The following IGF2BP2 variants were observed in gnomAD, a reference collection of about 807,000 sequenced individuals.
IGF2BP2 encodes insulin like growth factor 2 mRNA binding protein 2.
In IGF2BP2, 17 loss-of-function variants were observed where a neutral mutation model predicts 75.8. That is an observed-to-expected ratio of 0.22 (90% CI 0.15 to 0.34). The LOEUF is 0.34. Among genes scored for constraint, IGF2BP2 ranks in the 10% least tolerant of loss-of-function variants. The probability of loss-of-function intolerance (pLI) is 1.00; values close to 1 mark genes in which losing one functional copy is unlikely to be tolerated. For synonymous variants in IGF2BP2, 288 were observed against 295.6 expected, an observed-to-expected ratio of 0.97 and a Z score of 0.26; for missense variants, 516 against 772.4, an observed-to-expected ratio of 0.67 and a Z score of 3.93.
At chr3:185,814,840 C>A (rs1740391903) in intron 2 of IGF2BP2, among the ~76,000 whole-genome samples, 1 of 152,098 alleles carries the variant, frequency 6.6e-6, no homozygotes, top group African/African-American at 2.4e-5. Flanking sequence ...AAAGTGCTTT[C>A]ACTGACTTTT....
chr3:185,657,233 TG>T, intron 12 of IGF2BP2, 52 bp downstream of exon 12: 1 of 1,231,500 alleles, frequency 8.1e-7, no homozygotes, highest in Non-Finnish European at 1.2e-6. Context: ...ACAAGGGCCG[TG>T]GGATGAGAGG....
chr3:185,665,765 G>A (rs1324678073), intron 10 of IGF2BP2, among the ~76,000 whole-genome samples: 3 of 152,088 alleles, frequency 2.0e-5, no homozygotes, highest in Admixed American at 6.6e-5. Context: ...TCAGGAGTTC[G>A]AGATCAGCCT....
intron 2 of IGF2BP2, among the ~76,000 whole-genome samples, chr3:185,820,275 T>C (rs1057168077): frequency 3.0e-4 from 40 of 133,580 alleles, no homozygotes; most frequent in Middle Eastern, 8.1e-3. Context: ...CACACACACA[T>C]AATTTTTAAG....
chr3:185,649,115 T>C (rs1245072070), intron 14 of IGF2BP2, among the ~76,000 whole-genome samples: 1 of 151,764 alleles, frequency 6.6e-6, no homozygotes, highest in Non-Finnish European at 1.5e-5. Context: ...TCACTGACCA[T>C]GGAGTCAAGA....
intron 2 of IGF2BP2, among the ~76,000 whole-genome samples, chr3:185,818,270 G>A (rs536854403): frequency 7.9e-5 from 12 of 152,256 alleles, no homozygotes; most frequent in African/African-American, 2.6e-4. Flanking sequence ...AATCTTTTGT[G>A]ACAGGGGATA....
chr3:185,672,926 C>T (rs1451277614), intron 9 of IGF2BP2, among the ~76,000 whole-genome samples: 2 of 152,170 alleles, frequency 1.3e-5, no homozygotes, highest in African/African-American at 4.8e-5. Context: ...ATGGCAGCCA[C>T]CTTGCCAGCC....
intron 2 of IGF2BP2, among the ~76,000 whole-genome samples, chr3:185,701,088 AT>A (rs1215598339): frequency 1.3e-5 from 2 of 152,012 alleles, no homozygotes; most frequent in African/African-American, 4.8e-5. Flanking sequence ...ACTTTTTTAT[AT>A]TTTTTTAAAT....
At chr3:185,778,979 C>T (rs1245179487) in intron 2 of IGF2BP2, among the ~76,000 whole-genome samples, 1 of 151,976 alleles carries the variant, frequency 6.6e-6, no homozygotes, top group East Asian at 1.9e-4. Context: ...CACTACCATG[C>T]AGTGATCATG....
At chr3:185,822,823 G>C (rs1741530901) in intron 2 of IGF2BP2, among the ~76,000 whole-genome samples, 1 of 151,026 alleles carries the variant, frequency 6.6e-6, no homozygotes, top group Non-Finnish European at 1.5e-5. Flanking sequence ...ACAAGCATTT[G>C]CTGCTATTCT....
chr3:185,759,866 T>C (rs796212052), intron 2 of IGF2BP2, among the ~76,000 whole-genome samples: 42 of 152,354 alleles, frequency 2.8e-4, no homozygotes, highest in African/African-American at 9.1e-4. Flanking sequence ...TATGAAGATT[T>C]TGAACTTACA....
intron 3 of IGF2BP2, among the ~76,000 whole-genome samples, chr3:185,697,068 G>T (rs774177927): frequency 6.6e-6 from 1 of 152,064 alleles, no homozygotes; most frequent in African/African-American, 2.4e-5. Context: ...GGATGTGTAT[G>T]TTTGAAATGT....
At chr3:185,652,239 G>A in intron 12 of IGF2BP2, 71 bp from the exon 13 acceptor site, 1 of 1,323,188 alleles carries the variant, frequency 7.6e-7, no homozygotes. Context: ...TGTCTAAGTG[G>A]ACGGCAAGCA....
At position 185,714,726 on chromosome 3, in the gene IGF2BP2, T is replaced by C. The variant is rs531924939; in HGVS notation, c.240-16379A>G. Among the ~76,000 whole-genome samples the C allele has an allele frequency of 9.8e-5, 15 of 152,308 alleles. No homozygotes were observed. In the South Asian group the frequency reaches 2.7e-3, roughly 27 times the overall value. On this transcript the variant is annotated intron_variant, in intron 2 of 15. Coordinates refer to ENST00000382199, the MANE Select transcript of IGF2BP2 (RefSeq NM_006548.6). ...ACTTTGGGAGGCCAAGTCGAGAGGA[T>C]TGCTTGAGCCCAGAAGTTTGAGCCC...
chr3:185,696,638 T>C lies in IGF2BP2; in HGVS notation c.314A>G (p.Tyr105Cys). 2 of 1,613,870 alleles carry C rather than the reference T, an allele frequency of 1.2e-6. No homozygotes were observed. The highest frequency in any genetic ancestry group is 1.1e-5 in the South Asian group (1 of 91,066). Residue 105 changes from tyrosine to cysteine, a missense_variant, in exon 4 of 16, where the codon TAT becomes TGT. By Grantham distance (194) the Tyr-to-Cys change is radical. This residue lies in a region of IGF2BP2 where 312 missense variants were observed against 474.5 expected (regional missense o/e 0.66). Transcript: ENST00000382199. The part of the protein sequence containing the change: ...WEVLDGLLAQ[Y>C]GTVENVEQVN... ...TTGTTCCACATTCTCCACTGTCCCA[T>C]ATTGAGCCAAAAGTCCATCCAACAC...
chr3:185,762,671 A>G (rs1362950349), intron 2 of IGF2BP2, among the ~76,000 whole-genome samples: 2 of 151,888 alleles, frequency 1.3e-5, no homozygotes, highest in Non-Finnish European at 2.9e-5. Flanking sequence ...ATAGAGGTGA[A>G]TGCAATAATA....
chr3:185,750,443 C>A (rs1730816315), intron 2 of IGF2BP2, among the ~76,000 whole-genome samples: 1 of 152,174 alleles, frequency 6.6e-6, no homozygotes, highest in African/African-American at 2.4e-5. Flanking sequence ...TGTCCCATCC[C>A]CTAGAGGTAC....
chr3:185,662,543 CTT>C (rs1172808795), intron 10 of IGF2BP2, among the ~76,000 whole-genome samples: 28 of 112,620 alleles, frequency 2.5e-4, no homozygotes, highest in African/African-American at 7.2e-4. Flanking sequence ...CCTTCCCATA[CTT>C]TTTTTTTTTT....
chr3:185,820,918 C>T, intron 2 of IGF2BP2: 1 of 1,326,256 alleles, frequency 7.5e-7, no homozygotes, highest in Admixed American at 2.3e-5. Context: ...GCCAAATTTA[C>T]TTCTAACTTG....
intron 2 of IGF2BP2, among the ~76,000 whole-genome samples, chr3:185,787,087 T>TA (rs1400141685): frequency 1.3e-5 from 2 of 152,106 alleles, no homozygotes; most frequent in Non-Finnish European, 2.9e-5. Flanking sequence ...TTAACATTTA[T>TA]AAAAAAGTAA....
Sources: gnomAD v4.1 joint callset for allele counts (sites outside exome capture counted in the v4.1 genomes callset) on GRCh38, gnomAD v4.1.1 for gene constraint, gnomAD v4.1.1 regional missense constraint, MANE v1.5 for transcripts, NCBI Gene and HGNC (gene_info 2026-07-23, HGNC 2026-07-21) for gene names.